CAPS2: variants seen among roughly 807,000 people sequenced by gnomAD.
CAPS2 encodes the protein calcyphosine 2, also known as calcyphosin-2.
A neutral mutation model predicts 86.5 loss-of-function variants in CAPS2; 98 were observed. The observed-to-expected ratio is 1.13, with a 90% CI of 0.96 to 1.34. The LOEUF (loss-of-function observed/expected upper bound fraction) is 1.34, where lower values mean the gene tolerates loss of function less well. CAPS2 is among the 40% of genes most tolerant of loss of function. CAPS2 has a pLI of 0.00. For missense variants in CAPS2, 729 were observed against 686.8 expected, an observed-to-expected ratio of 1.06 and a Z score of -0.69; for synonymous variants, 210 against 225.1, an observed-to-expected ratio of 0.93 and a Z score of 0.60.
At chr12:75,347,779 C>A in intron 1 of CAPS2, 1 of 1,127,434 alleles carries the variant, frequency 8.9e-7, no homozygotes, top group Non-Finnish European at 1.3e-6. Context: ...TGATGGTTGC[C>A]AAATAAGAGG....
chr12:75,324,763 TAA>T (rs796250999), intron 2 of CAPS2, among the ~76,000 whole-genome samples: 126 of 152,190 alleles, frequency 8.3e-4, no homozygotes, highest in African/African-American at 2.9e-3. Context: ...TTCCAAATTT[TAA>T]AAGTCAAAAT....
chr12:75,298,881 C>A, exon 10 of CAPS2: 1 of 1,609,100 alleles, frequency 6.2e-7, no homozygotes, highest in Non-Finnish European at 8.5e-7. Flanking sequence ...CTATTTTTCC[C>A]AAATTGTCGA....
chr12:75,347,451 G>A (rs1220895453), intron 1 of CAPS2, among the ~76,000 whole-genome samples: 2 of 151,946 alleles, frequency 1.3e-5, no homozygotes, highest in Non-Finnish European at 2.9e-5. Flanking sequence ...AATCAGCCAT[G>A]ACAATATAAG....
At chr12:75,292,898 A>G (rs946155590) in intron 12 of CAPS2, among the ~76,000 whole-genome samples, 2 of 151,428 alleles carry the variant, frequency 1.3e-5, no homozygotes, top group Non-Finnish European at 3.0e-5. Flanking sequence ...AAAAATCATA[A>G]TAACAATGTG....
chr12:75,360,262 C>T (rs1220702890), intron 1 of CAPS2: 1 of 152,200 alleles, frequency 6.6e-6, no homozygotes, highest in Non-Finnish European at 1.5e-5. Context: ...CATTTCCCAA[C>T]CAATCATGCC....
intron 1 of CAPS2, among the ~76,000 whole-genome samples, chr12:75,343,080 A>G (rs1258329147): frequency 6.6e-6 from 1 of 151,974 alleles, no homozygotes. Flanking sequence ...GAATAATGAT[A>G]GATCCCAATC....
At chr12:75,337,303 C>T (rs960975358) in intron 1 of CAPS2, among the ~76,000 whole-genome samples, 3 of 151,264 alleles carry the variant, frequency 2.0e-5, no homozygotes, top group South Asian at 4.2e-4. Context: ...TCAATAATAT[C>T]AAAAGTTGGT....
At chr12:75,312,966 C>T (rs558683855) in intron 6 of CAPS2, 51 bp from the exon 7 acceptor site, 2 of 1,012,260 alleles carry the variant, frequency 2.0e-6, no homozygotes, top group Non-Finnish European at 3.1e-6. Context: ...CAGAACCATA[C>T]AATACTTAAC....
chr12:75,308,603 A>G (rs1309034961), intron 7 of CAPS2, among the ~76,000 whole-genome samples: 2 of 152,156 alleles, frequency 1.3e-5, no homozygotes, highest in East Asian at 3.9e-4. Flanking sequence ...TATTGTTGTT[A>G]TTAATATTAT....
rs543625540 is a variant in CAPS2, at chr12:75,362,677, G to A, written c.-395+28161C>T. Among the ~76,000 whole-genome samples, 3 of 152,216 alleles carry A rather than the reference G, an allele frequency of 2.0e-5. No individual in the cohort carries two copies. The East Asian group carries it at 5.8e-4, about 29-fold the overall frequency. On this transcript the variant is annotated intron_variant, in intron 1 of 5. Coordinates refer to the CAPS2 transcript ENST00000551829. ...CTATTAAAAATCAGGCATAATAGCT[G>A]TCAAGTCGTACATCATCAAATAGAA...
upstream of CAPS2, chr12:75,334,819 C>T (rs2041605265): frequency 1.2e-6 from 2 of 1,614,068 alleles, no homozygotes; most frequent in Middle Eastern, 1.6e-4. Context: ...CATCACTGAC[C>T]CACACTTTAT....
intron 16 of CAPS2, among the ~76,000 whole-genome samples, chr12:75,281,421 A>G (rs2033923102): frequency 6.6e-6 from 1 of 152,040 alleles, no homozygotes; most frequent in South Asian, 2.1e-4. Flanking sequence ...AAAGAATAAT[A>G]TACTGCAAGA....
intron 5 of CAPS2, among the ~76,000 whole-genome samples, chr12:75,318,946 C>G (rs1216880786): frequency 6.6e-6 from 1 of 151,974 alleles, no homozygotes; most frequent in Non-Finnish European, 1.5e-5. Flanking sequence ...TTATATTGAT[C>G]ATTTCTAAAA....
chr12:75,283,110 T>A (rs1317707920), intron 15 of CAPS2, among the ~76,000 whole-genome samples: 1 of 152,236 alleles, frequency 6.6e-6, no homozygotes. Context: ...TGAAATACCT[T>A]TTAAATGAGT....
intron 1 of CAPS2, among the ~76,000 whole-genome samples, chr12:75,377,972 G>T (rs2044748638): frequency 6.6e-6 from 1 of 151,568 alleles, no homozygotes; most frequent in Non-Finnish European, 1.5e-5. Context: ...CAGATATCTA[G>T]GAATTTCCAC....
chr12:75,326,958 C>T (rs1025538381), upstream of CAPS2, among the ~76,000 whole-genome samples: 1 of 152,070 alleles, frequency 6.6e-6, no homozygotes, highest in Non-Finnish European at 1.5e-5. Flanking sequence ...CATTCTGGTT[C>T]TGAAGATGGA....
chr12:75,292,738 A>AT (rs1001067741), intron 12 of CAPS2, among the ~76,000 whole-genome samples: 1 of 147,812 alleles, frequency 6.8e-6, no homozygotes, highest in African/African-American at 2.5e-5. Context: ...AGGAATATAT[A>AT]TTTTTTAATC....
At chr12:75,295,699 A>G (rs2036759534) in intron 11 of CAPS2, among the ~76,000 whole-genome samples, 5 of 152,182 alleles carry the variant, frequency 3.3e-5, no homozygotes, top group Admixed American at 3.3e-4. Flanking sequence ...GGGTAGTTAT[A>G]CCATCATGTC....
In CAPS2 at chr12:75,285,163, C is replaced by T. The variant is rs985433546; in HGVS notation, c.1396-83G>A. On this transcript the variant is annotated intron_variant, in intron 14 of 16. Coordinates refer to ENST00000393284, the Ensembl canonical transcript of CAPS2. ...TCATCTTAGTTGTATTTTGTTACAT[C>T]TTCTGTAGTCCTAGATATAACTCAT... is the stretch of plus-strand genomic sequence containing the variant. 3.8e-6 allele frequency: 5 copies of T among 1,329,414 alleles called. No homozygotes were observed. In the Admixed American group the frequency reaches 8.5e-5, roughly 23 times the overall value. 82.4% of individuals were successfully genotyped at this position (1,329,414 alleles called of 1,614,324 possible).
Sources: gnomAD v4.1 joint callset for allele counts (sites outside exome capture counted in the v4.1 genomes callset) on GRCh38, gnomAD v4.1.1 for gene constraint, MANE v1.5 for transcripts, NCBI Gene and HGNC (gene_info 2026-07-23, HGNC 2026-07-21) for gene names.